SLC39A11: variants seen among roughly 807,000 people sequenced by gnomAD.
SLC39A11 encodes the protein zinc transporter ZIP11.
SLC39A11 carries 33 observed loss-of-function variants against 36.1 expected under a neutral mutation model. That is an observed-to-expected ratio of 0.91 (90% CI 0.69 to 1.22). SLC39A11 has a LOEUF of 1.22. SLC39A11 is among the 50% of genes most tolerant of loss of function. The pLI is 0.00. For missense variants in SLC39A11, 432 were observed against 430.3 expected (o/e 1.00, Z -0.03); for synonymous variants, 166 against 170.3 (o/e 0.97, Z 0.20).
At chr17:72,822,719 CTTTCTTTCT>C (rs1203025537) in intron 6 of SLC39A11, among the ~76,000 whole-genome samples, 11 of 150,748 alleles carry the variant, frequency 7.3e-5, no homozygotes, top group Admixed American at 6.6e-4. Flanking sequence ...AACTTTTTTT[CTTTCTTTCT>C]TTTCTTTCTT....
chr17:72,761,482 C>T (rs1410043398), intron 6 of SLC39A11, among the ~76,000 whole-genome samples: 1 of 152,170 alleles, frequency 6.6e-6, no homozygotes, highest in Non-Finnish European at 1.5e-5. Flanking sequence ...TGCCAAACGT[C>T]AGCAGTAATG....
At chr17:72,855,888 A>C (rs938008970) in intron 5 of SLC39A11, among the ~76,000 whole-genome samples, 1 of 151,122 alleles carries the variant, frequency 6.6e-6, no homozygotes, top group African/African-American at 2.4e-5. Flanking sequence ...CAAAGCGAGA[A>C]TCCGTCTCAA....
intron 6 of SLC39A11, among the ~76,000 whole-genome samples, chr17:72,799,434 T>G (rs981924161): frequency 6.6e-6 from 1 of 152,056 alleles, no homozygotes; most frequent in Non-Finnish European, 1.5e-5. Flanking sequence ...TGACTGCCTG[T>G]GGGGTCGGGC....
rs185984258 is a variant in SLC39A11 at position 72,724,127 on chromosome 17, G to C, written c.671+12523C>G. On this transcript the variant is annotated intron_variant, in intron 7 of 9. Transcript: ENST00000255559. ...TATTTTTTTTTTTCTGTAAAACGTT[G>C]CTCTTATTGGGAGCTTGAAAAGCAT... Among the ~76,000 whole-genome samples, 63 of 151,264 alleles carry C rather than the reference G, an allele frequency of 4.2e-4. No homozygotes were observed. In the East Asian group the frequency reaches 0.011, roughly 27 times the overall value.
intron 7 of SLC39A11, among the ~76,000 whole-genome samples, chr17:72,695,964 C>T (rs1232626553): frequency 6.6e-6 from 1 of 152,190 alleles, no homozygotes; most frequent in East Asian, 1.9e-4. Context: ...TGTTCTAAGC[C>T]ACCCAGTTTG....
At chr17:73,012,506 A>G (rs2090577418) in intron 4 of SLC39A11, among the ~76,000 whole-genome samples, 1 of 151,808 alleles carries the variant, frequency 6.6e-6, no homozygotes, top group Non-Finnish European at 1.5e-5. Context: ...CTGTTTCTGC[A>G]AAGGGTCAGA....
At chr17:72,649,837 C>G (rs534743664) in intron 7 of SLC39A11, among the ~76,000 whole-genome samples, 8 of 152,044 alleles carry the variant, frequency 5.3e-5, no homozygotes, top group Non-Finnish European at 1.2e-4. Context: ...AAGTGATCTG[C>G]CTGCCTTGGC....
At chr17:72,861,773 T>C (rs2080047931) in intron 5 of SLC39A11, among the ~76,000 whole-genome samples, 1 of 100,080 alleles carries the variant, frequency 1.0e-5, no homozygotes, top group Admixed American at 1.1e-4. Flanking sequence ...TATATATATA[T>C]ATATATATAT....
Position 72,647,601 on chromosome 17 carries a change from C to A in SLC39A11, c.991G>T (p.Asp331Tyr), listed in dbSNP as rs746966623. Residue 331 changes from aspartate to tyrosine, a missense_variant, in exon 10 of 10, where the codon GAC becomes TAC. Transcript: ENST00000255559. ...TCTCAGCCCTAGCCCAGGCCAACGT[C>A]CAGTGACATCATCACTACAAATCCC... is the stretch of plus-strand genomic sequence containing the variant. ...ILGFVVMMSL[D>Y]VGLG 6 of 1,613,830 alleles carry A rather than the reference C, an allele frequency of 3.7e-6. No homozygotes were observed. Among genetic ancestry groups the A allele is most frequent in the African/African-American group, 1.3e-5 (1 of 74,910 alleles).
At chr17:72,729,430 TATATATATATATA>T (rs1567994633) in intron 7 of SLC39A11, among the ~76,000 whole-genome samples, 35 of 3,178 alleles carry the variant, frequency 0.011, 3 homozygotes, top group Admixed American at 0.03. Context: ...TATATATATA[TATATATATATATA>T]TATATATATA....
At chr17:72,861,670 T>TATATATATATATATATAAA (rs2080017055) in intron 5 of SLC39A11, among the ~76,000 whole-genome samples, 1 of 108,476 alleles carries the variant, frequency 9.2e-6, no homozygotes, top group African/African-American at 3.8e-5. Flanking sequence ...TATATATATA[T>TATATATATATATATATAAA]ATATATATAT....
intron 4 of SLC39A11, among the ~76,000 whole-genome samples, chr17:72,971,631 G>A (rs1200848996): frequency 6.6e-6 from 1 of 152,208 alleles, no homozygotes; most frequent in Non-Finnish European, 1.5e-5. Context: ...GCACCAACGT[G>A]AAGGCGGGTC....
At chr17:72,709,993 G>A (rs530501643) in intron 7 of SLC39A11, among the ~76,000 whole-genome samples, 302 of 152,204 alleles carry the variant, frequency 2.0e-3, no homozygotes, top group African/African-American at 7.0e-3. Flanking sequence ...TTTGATTGTT[G>A]CTCCTGTTCA....
intron 7 of SLC39A11, among the ~76,000 whole-genome samples, chr17:72,706,727 G>C (rs2072908527): frequency 6.6e-6 from 1 of 152,230 alleles, no homozygotes; most frequent in Non-Finnish European, 1.5e-5. Flanking sequence ...TGGGGAAGAA[G>C]GGGGAGAGGT....
At chr17:72,709,450 G>A (rs2073028153) in intron 7 of SLC39A11, among the ~76,000 whole-genome samples, 1 of 152,216 alleles carries the variant, frequency 6.6e-6, no homozygotes, top group African/African-American at 2.4e-5. Flanking sequence ...GTGGACACCT[G>A]CCTCAAGAGA....
At chr17:73,048,409 TACC>T (rs1179971570) in intron 3 of SLC39A11, among the ~76,000 whole-genome samples, 4 of 152,340 alleles carry the variant, frequency 2.6e-5, no homozygotes, top group African/African-American at 9.6e-5. Flanking sequence ...GGTGCACATG[TACC>T]ACATTTTCTC....
chr17:73,056,000 T>C (rs900808243), intron 3 of SLC39A11, among the ~76,000 whole-genome samples: 2 of 152,256 alleles, frequency 1.3e-5, no homozygotes, highest in East Asian at 3.9e-4. Context: ...TTTGCTGTAA[T>C]TGTCTTTCTG....
chr17:72,733,599 T>C (rs940670061), intron 7 of SLC39A11, among the ~76,000 whole-genome samples: 3 of 152,086 alleles, frequency 2.0e-5, no homozygotes, highest in African/African-American at 4.8e-5. Flanking sequence ...TGTGTCACAG[T>C]GGTCCTGGCC....
intron 4 of SLC39A11, among the ~76,000 whole-genome samples, chr17:72,990,792 G>A (rs1358866559): frequency 6.6e-6 from 1 of 152,120 alleles, no homozygotes; most frequent in Non-Finnish European, 1.5e-5. Flanking sequence ...AAATCTTACA[G>A]TGTATATATA....
Sources: allele counts gnomAD v4.1 joint callset (sites outside exome capture counted in the v4.1 genomes callset), GRCh38; gene constraint gnomAD v4.1.1; transcripts MANE v1.5; gene names NCBI Gene and HGNC (gene_info 2026-07-23, HGNC 2026-07-21).